The following CACNA2D3 variants were observed in gnomAD, a reference collection of about 807,000 sequenced individuals.
The protein encoded by CACNA2D3 is voltage-dependent calcium channel subunit alpha-2/delta-3.
In CACNA2D3, 60 loss-of-function variants were observed where a neutral mutation model predicts 160.6. That is an observed-to-expected ratio of 0.37 (90% CI 0.30 to 0.46). CACNA2D3 has a LOEUF of 0.46. Ranked by LOEUF, CACNA2D3 falls within the 20% of genes least tolerant of loss-of-function variation. CACNA2D3 has a pLI of 1.00. For missense variants in CACNA2D3, 1,205 were observed against 1,365.0 expected (o/e 0.88, Z 1.85); for synonymous variants, 558 against 492.9 (o/e 1.13, Z -1.75).
chr3:54,192,758 G>A (rs1191401964), intron 2 of CACNA2D3, among the ~76,000 whole-genome samples: 1 of 152,054 alleles, frequency 6.6e-6, no homozygotes, highest in East Asian at 1.9e-4. Flanking sequence ...TGCCCTCCAG[G>A]TATCTCAGCC....
At chr3:54,615,219 TTGA>T (rs1400239282) in intron 9 of CACNA2D3, among the ~76,000 whole-genome samples, 1 of 152,234 alleles carries the variant, frequency 6.6e-6, no homozygotes, top group Non-Finnish European at 1.5e-5. Flanking sequence ...GCATTGGTCG[TTGA>T]TGACTACCAT....
At chr3:54,448,591 C>CA (rs1435458740) in intron 4 of CACNA2D3, among the ~76,000 whole-genome samples, 1 of 152,268 alleles carries the variant, frequency 6.6e-6, no homozygotes, top group South Asian at 2.1e-4. Flanking sequence ...GTGTCCCTTA[C>CA]AAAAAAGTGT....
chr3:54,903,472 G>C (rs1048581865), intron 27 of CACNA2D3, among the ~76,000 whole-genome samples: 1 of 152,112 alleles, frequency 6.6e-6, no homozygotes, highest in Non-Finnish European at 1.5e-5. Context: ...GGGCATTTAG[G>C]TTGATTCCAT....
intron 11 of CACNA2D3, among the ~76,000 whole-genome samples, chr3:54,674,015 C>CT (rs1185562022): frequency 1.3e-5 from 2 of 152,208 alleles, no homozygotes; most frequent in Non-Finnish European, 2.9e-5. Flanking sequence ...CCAGAATAGC[C>CT]TAGGAAATCT....
At chr3:54,966,469 A>G (rs1308500415) in intron 27 of CACNA2D3, among the ~76,000 whole-genome samples, 1 of 152,112 alleles carries the variant, frequency 6.6e-6, no homozygotes, top group Non-Finnish European at 1.5e-5. Flanking sequence ...CCAACAGCTG[A>G]TTTACTAAAG....
At chr3:54,224,164 C>T in intron 2 of CACNA2D3, among the ~76,000 whole-genome samples, 1 of 152,084 alleles carries the variant, frequency 6.6e-6, no homozygotes, top group East Asian at 1.9e-4. Flanking sequence ...ACACCTTGTC[C>T]CACTGGAAGG....
Position 54,165,299 on chromosome 3 carries a change from A to G in CACNA2D3, c.204+41705A>G, listed in dbSNP as rs554885980. 1.1e-4 allele frequency among the ~76,000 whole-genome samples: 16 copies of G among 151,966 alleles called. No individual in the cohort carries two copies. The South Asian group carries it at 1.5e-3, about 14-fold the overall frequency. On this transcript the variant is annotated intron_variant, in intron 2 of 37. Coordinates refer to ENST00000474759, the MANE Select transcript of CACNA2D3 (RefSeq NM_018398.3). ...CCACCAAGTATTTCTCCATGTCCCT[A>G]TGGGTTGGTGGTGGAACTGTCCCTG...
chr3:55,034,479 A>G (rs55646748), intron 35 of CACNA2D3, among the ~76,000 whole-genome samples: 5,153 of 152,072 alleles, frequency 0.034, 126 homozygotes, highest in Middle Eastern at 0.11. Context: ...CATTTTTCCT[A>G]TATATTGCAT....
At chr3:54,152,679 T>C (rs1700173980) in intron 2 of CACNA2D3, among the ~76,000 whole-genome samples, 1 of 152,238 alleles carries the variant, frequency 6.6e-6, no homozygotes, top group Non-Finnish European at 1.5e-5. Flanking sequence ...CCCTTCTTAA[T>C]GTTTAATAGT....
At chr3:54,941,298 A>G (rs965602588) in intron 27 of CACNA2D3, among the ~76,000 whole-genome samples, 1 of 152,248 alleles carries the variant, frequency 6.6e-6, no homozygotes, top group Non-Finnish European at 1.5e-5. Flanking sequence ...GGATATGATC[A>G]TAATCAGCCC....
intron 5 of CACNA2D3, among the ~76,000 whole-genome samples, chr3:54,553,047 G>A (rs1414012095): frequency 6.6e-6 from 1 of 152,144 alleles, no homozygotes; most frequent in Non-Finnish European, 1.5e-5. Flanking sequence ...ATCCGGAGTG[G>A]TTCAACATTG....
At chr3:54,558,254 AG>A in intron 5 of CACNA2D3, among the ~76,000 whole-genome samples, 1 of 152,320 alleles carries the variant, frequency 6.6e-6, no homozygotes. Context: ...ATGTCACAGT[AG>A]GGTTGCGTGA....
At chr3:54,178,189 A>G (rs1559873153) in intron 2 of CACNA2D3, among the ~76,000 whole-genome samples, 1 of 152,176 alleles carries the variant, frequency 6.6e-6, no homozygotes, top group African/African-American at 2.4e-5. Flanking sequence ...ATGAACCCTC[A>G]GTGATGCTAA....
intron 4 of CACNA2D3, among the ~76,000 whole-genome samples, chr3:54,474,502 C>T (rs1012666165): frequency 6.6e-6 from 1 of 152,078 alleles, no homozygotes; most frequent in Non-Finnish European, 1.5e-5. Context: ...ACCTGTGTAA[C>T]AAACCTTCAT....
Position 54,584,523 on chromosome 3 carries a change from T to C in CACNA2D3, c.963+2646T>C, listed in dbSNP as rs563923609. Among the ~76,000 whole-genome samples the C allele has an allele frequency of 5.6e-4, 85 of 152,198 alleles. 3 individuals are homozygous for C. The South Asian group carries it at 0.017, about 30-fold the overall frequency. On this transcript the variant is annotated intron_variant, in intron 9 of 37. Coordinates refer to ENST00000474759, the MANE Select transcript of CACNA2D3 (RefSeq NM_018398.3). ...ATAGACTGGACCAAAATGAACAGTC[T>C]CAGGGACTTGAGGGACAATAACAAA...
intron 11 of CACNA2D3, among the ~76,000 whole-genome samples, chr3:54,672,898 G>A (rs1439567101): frequency 1.3e-5 from 2 of 152,186 alleles, no homozygotes; most frequent in African/African-American, 2.4e-5. Flanking sequence ...CAATGACAAC[G>A]ATTGTGATGA....
At chr3:54,540,583 T>G (rs962039542) in intron 5 of CACNA2D3, among the ~76,000 whole-genome samples, 1 of 152,092 alleles carries the variant, frequency 6.6e-6, no homozygotes, top group Non-Finnish European at 1.5e-5. Flanking sequence ...TATAAAATGG[T>G]CGGGTAAATA....
chr3:54,623,693 A>G (rs952172833), intron 9 of CACNA2D3, among the ~76,000 whole-genome samples: 37 of 152,198 alleles, frequency 2.4e-4, no homozygotes, highest in African/African-American at 8.2e-4. Context: ...ACTTCCTGCA[A>G]TGATGGCGAT....
rs10656534 is a variant in CACNA2D3 at position 54,598,307 on chromosome 3, C to CAAAAAAAA, written c.963+16448_963+16455dup. 2.9e-3 allele frequency among the ~76,000 whole-genome samples: 141 copies of CAAAAAAAA among 49,222 alleles called. 10 individuals are homozygous for CAAAAAAAA. In the South Asian group the frequency reaches 0.055, roughly 19 times the overall value. The allele number at this position is 49,222 out of a possible 152,430, so 32.3% of individuals were successfully genotyped here. ...TGGGCAACAGCGAGACTCCGTCTCA[C>CAAAAAAAA]AAAAAAAAAAAAAAAAAAAAAAAAA... On this transcript the variant is annotated intron_variant, in intron 9 of 37. Transcript: ENST00000474759.
Sources: allele counts gnomAD v4.1 joint callset (sites outside exome capture counted in the v4.1 genomes callset), GRCh38; gene constraint gnomAD v4.1.1; transcripts MANE v1.5; gene names NCBI Gene and HGNC (gene_info 2026-07-23, HGNC 2026-07-21).